Variants in SLCO3A1 observed in about 807,000 individuals in gnomAD.
SLCO3A1 encodes the protein solute carrier organic anion transporter family member 3A1.
In SLCO3A1, 27 loss-of-function variants were observed where a neutral mutation model predicts 63.1. That is an observed-to-expected ratio of 0.43 (90% CI 0.32 to 0.59). SLCO3A1 has a LOEUF of 0.59. Among genes scored for constraint, SLCO3A1 ranks in the 20% least tolerant of loss-of-function variants. The pLI is 0.09. For missense variants in SLCO3A1, 773 were observed against 945.8 expected (o/e 0.82, Z 2.40); for synonymous variants, 473 against 409.9 (o/e 1.15, Z -1.86).
intron 6 of SLCO3A1, 43 bp downstream of exon 6, chr15:92,126,302 A>T (rs2047922325): frequency 6.4e-7 from 1 of 1,554,190 alleles, no homozygotes; most frequent in African/African-American, 1.4e-5. Context: ...CTGTTCAGGG[A>T]CCCTAGCAAT....
In SLCO3A1 at chr15:92,033,430, C is replaced by T. The variant is rs76143378; in HGVS notation, c.647-61451C>T. 3.7e-3 allele frequency among the ~76,000 whole-genome samples: 565 copies of T among 152,280 alleles called. 7 individuals are homozygous for T. Among genetic ancestry groups the T allele is most frequent in the East Asian group, 0.029 (148 of 5,174 alleles). On this transcript the variant is annotated intron_variant, in intron 2 of 9. Transcript: ENST00000318445. This position sits in a 1 kb window ranked among gnomAD's most constrained non-coding sequence, Gnocchi z 4.5. Reference sequence around the variant, plus strand: ...CTTAGTGGAGAAGTAACGATGTTCACGCTTGGGCAGCTGGATGGACACGTC... The same window carrying T: ...CTTAGTGGAGAAGTAACGATGTTCATGCTTGGGCAGCTGGATGGACACGTC...
At position 92,117,048 on chromosome 15, in the gene SLCO3A1, A is replaced by T. The variant is rs142851302; in HGVS notation, c.1010-3417A>T. Among the ~76,000 whole-genome samples, 542 of 152,370 alleles carry T rather than the reference A, an allele frequency of 3.6e-3. 4 individuals carry two copies. The highest frequency in any genetic ancestry group is 0.012 in the African/African-American group (507 of 41,586). On this transcript the variant is annotated intron_variant, in intron 4 of 9. Coordinates refer to ENST00000318445, the MANE Select transcript of SLCO3A1 (RefSeq NM_013272.4). ...TTAAGACAAAAGCAGGCAGACTTCTATCTTGACAAGGAATCCTTCCCGCTG... is the reference window on the plus strand; with the variant it reads ...TTAAGACAAAAGCAGGCAGACTTCTTTCTTGACAAGGAATCCTTCCCGCTG...
At chr15:92,134,066 T>G (rs1335439021) in intron 7 of SLCO3A1, among the ~76,000 whole-genome samples, 2 of 152,222 alleles carry the variant, frequency 1.3e-5, no homozygotes, top group Non-Finnish European at 2.9e-5. Context: ...TGCACCCCAG[T>G]AGGGCAGTGG....
At chr15:92,081,406 A>G (rs1442724156) in intron 2 of SLCO3A1, among the ~76,000 whole-genome samples, 1 of 151,292 alleles carries the variant, frequency 6.6e-6, no homozygotes, top group Non-Finnish European at 1.5e-5. Context: ...GCTGGAGCGC[A>G]GTGTTGTGAT....
At chr15:91,922,502 G>A (rs562918572) in intron 2 of SLCO3A1, among the ~76,000 whole-genome samples, 7 of 152,292 alleles carry the variant, frequency 4.6e-5, no homozygotes, top group Admixed American at 6.5e-5. Flanking sequence ...AAGGGCCCCC[G>A]AATACTGGCC....
intron 4 of SLCO3A1, among the ~76,000 whole-genome samples, chr15:92,111,318 T>G (rs2047726310): frequency 6.6e-6 from 1 of 152,216 alleles, no homozygotes; most frequent in Non-Finnish European, 1.5e-5. Context: ...CCTGTGCCTT[T>G]CAGCATAATG....
chr15:91,896,317 A>C (rs1217051058), intron 1 of SLCO3A1, among the ~76,000 whole-genome samples: 1 of 152,162 alleles, frequency 6.6e-6, no homozygotes, highest in Non-Finnish European at 1.5e-5. Flanking sequence ...AAGCTGAAAA[A>C]ACTTTTCTTT....
intron 2 of SLCO3A1, among the ~76,000 whole-genome samples, chr15:91,984,424 C>T (rs952833262): frequency 1.3e-5 from 2 of 152,038 alleles, no homozygotes; most frequent in African/African-American, 4.8e-5. Context: ...GTCTGGATAC[C>T]CTTGAACCTT....
chr15:91,966,339 C>T (rs1900660997), intron 2 of SLCO3A1, among the ~76,000 whole-genome samples: 1 of 152,136 alleles, frequency 6.6e-6, no homozygotes, highest in Non-Finnish European at 1.5e-5. Context: ...GGTTTGTAGC[C>T]AGGGGAGTGG....
At chr15:92,150,908 A>G (rs1385070420) in intron 8 of SLCO3A1, 42 bp from the exon 9 acceptor site, 11 of 1,499,494 alleles carry the variant, frequency 7.3e-6, no homozygotes, top group African/African-American at 1.4e-5. Flanking sequence ...GGGGAATGAT[A>G]AAAATCTGGT....
chr15:91,919,303 G>GGC (rs1358297482), intron 2 of SLCO3A1, among the ~76,000 whole-genome samples: 1 of 152,228 alleles, frequency 6.6e-6, no homozygotes. Flanking sequence ...TTCCTGGATG[G>GGC]GCTATTCACA....
intron 6 of SLCO3A1, 68 bp downstream of exon 6, chr15:92,126,327 G>C (rs756322390): frequency 3.0e-6 from 4 of 1,354,764 alleles, no homozygotes; most frequent in African/African-American, 1.4e-5. Flanking sequence ...CTCTGCAGTA[G>C]GTTGAGGGAA....
chr15:92,062,202 G>C (rs191696310), intron 2 of SLCO3A1, among the ~76,000 whole-genome samples: 1 of 152,236 alleles, frequency 6.6e-6, no homozygotes. Context: ...TTCTGATTCT[G>C]TTCCGGGAAG....
intron 2 of SLCO3A1, among the ~76,000 whole-genome samples, chr15:92,017,289 G>C (rs982277780): frequency 2.6e-5 from 4 of 152,076 alleles, no homozygotes; most frequent in South Asian, 2.1e-4. Context: ...TGGGATTGGG[G>C]GGGGGTAGGG....
rs949225057 is a variant in SLCO3A1 at position 91,949,342 on chromosome 15, A to C, written c.646+32884A>C. ...TAAGGGTAGTACCCATGCGGAGGGC[A>C]GTTGTGAGGAGTAAAAGAGTAACTA... On this transcript the variant is annotated intron_variant, in intron 2 of 9. Transcript: ENST00000318445. Among the ~76,000 whole-genome samples the C allele has an allele frequency of 1.1e-4, 16 of 152,270 alleles. No individual in the cohort carries two copies. In the South Asian group the frequency reaches 3.3e-3, roughly 32 times the overall value.
intron 2 of SLCO3A1, among the ~76,000 whole-genome samples, chr15:92,051,758 C>T (rs1256913458): frequency 6.6e-6 from 1 of 152,130 alleles, no homozygotes; most frequent in Non-Finnish European, 1.5e-5. Flanking sequence ...GTGAAATCAG[C>T]AGATTAACTC....
chr15:91,936,931 G>T (rs1360381308), intron 2 of SLCO3A1, among the ~76,000 whole-genome samples: 2 of 152,152 alleles, frequency 1.3e-5, no homozygotes, highest in African/African-American at 4.8e-5. Context: ...TGATTATGGG[G>T]CACATAAGGC....
At chr15:92,081,811 C>G (rs184158162) in intron 2 of SLCO3A1, among the ~76,000 whole-genome samples, 1 of 152,186 alleles carries the variant, frequency 6.6e-6, no homozygotes, top group African/African-American at 2.4e-5. Context: ...GTCTTCCAGA[C>G]CAGCTTCATC....
At chr15:92,041,634 A>G (rs932918274) in intron 2 of SLCO3A1, among the ~76,000 whole-genome samples, 1 of 152,156 alleles carries the variant, frequency 6.6e-6, no homozygotes, top group African/African-American at 2.4e-5. Flanking sequence ...TATGTGTGTA[A>G]TTCAAATCAT....
Sources: allele counts gnomAD v4.1 joint callset (sites outside exome capture counted in the v4.1 genomes callset), GRCh38; gene constraint gnomAD v4.1.1; non-coding constraint Gnocchi (gnomAD v3.1); transcripts MANE v1.5; gene names NCBI Gene and HGNC (gene_info 2026-07-23, HGNC 2026-07-21).